Variants in FRMD4A observed in about 807,000 individuals in gnomAD.
FRMD4A encodes the protein FERM domain-containing protein 4A.
Under a neutral mutation model 129.1 loss-of-function variants are expected in FRMD4A, and 29 were observed. The ratio of observed to expected loss-of-function variants is 0.22; its 90% CI spans 0.17 to 0.31. FRMD4A has a LOEUF of 0.31. Among genes scored for constraint, FRMD4A ranks in the 10% least tolerant of loss-of-function variants. The pLI is 1.00. For synonymous variants in FRMD4A, 634 were observed against 571.6 expected (o/e 1.11, Z -1.56); for missense variants, 1,272 against 1,375.8 (o/e 0.92, Z 1.19).
intron 7 of FRMD4A, among the ~76,000 whole-genome samples, chr10:13,762,073 G>C (rs765176073): frequency 2.0e-5 from 3 of 152,178 alleles, no homozygotes; most frequent in Admixed American, 6.5e-5. Context: ...TGGAGGTAGG[G>C]ACCAGAGAAA....
At chr10:13,851,242 A>G (rs2094136427) in intron 3 of FRMD4A, among the ~76,000 whole-genome samples, 2 of 152,194 alleles carry the variant, frequency 1.3e-5, no homozygotes, top group South Asian at 4.1e-4. Flanking sequence ...AAAAAGAAAA[A>G]GAAAAAGAAT....
chr10:13,753,235 G>T (rs564133991), intron 8 of FRMD4A, among the ~76,000 whole-genome samples: 1 of 152,202 alleles, frequency 6.6e-6, no homozygotes, highest in Non-Finnish European at 1.5e-5. Context: ...TGAAGCTGAG[G>T]TTACAACAAA....
intron 2 of FRMD4A, among the ~76,000 whole-genome samples, chr10:14,056,373 T>A (rs1401039765): frequency 6.6e-6 from 1 of 151,878 alleles, no homozygotes; most frequent in Non-Finnish European, 1.5e-5. Flanking sequence ...TGATTAAACA[T>A]CCCCACCTCT....
intron 2 of FRMD4A, among the ~76,000 whole-genome samples, chr10:14,058,777 T>C (rs1348367295): frequency 4.6e-5 from 7 of 151,976 alleles, no homozygotes; most frequent in Non-Finnish European, 7.4e-5. Context: ...GACTACAGGG[T>C]CTCCAAAGAG....
rs764409962 is a variant in FRMD4A at position 13,737,972 on chromosome 10, G to A, written c.673-42C>T. ...AGTTTGGGTGAATATGGGACTGGAG[G>A]AAGTAAACACACGCAAAGTGGAGAT... On this transcript the variant is annotated intron_variant, in intron 11 of 24. Transcript: ENST00000357447. 2.8e-5 allele frequency: 30 copies of A among 1,086,524 alleles called. No individual in the cohort carries two copies. In the South Asian group the frequency reaches 3.6e-4, roughly 13 times the overall value. The allele number at this position is 1,086,524 out of a possible 1,614,324, so 67.3% of individuals were successfully genotyped here.
At chr10:13,883,069 G>T (rs1407086197) in intron 2 of FRMD4A, among the ~76,000 whole-genome samples, 2 of 152,210 alleles carry the variant, frequency 1.3e-5, no homozygotes, top group African/African-American at 4.8e-5. Flanking sequence ...CTCCCAAAGT[G>T]CTGGGATTAC....
rs1360774573 is a variant in FRMD4A at position 14,161,170 on chromosome 10, G to T, written c.45+168888C>A. Among the ~76,000 whole-genome samples the T allele has an allele frequency of 5.9e-5, 9 of 152,284 alleles. No individual in the cohort carries two copies. In the South Asian group the frequency reaches 1.2e-3, roughly 21 times the overall value. On this transcript the variant is annotated intron_variant, in intron 2 of 24. Transcript: ENST00000357447. ...AGGGTTTCACTGTGTTGGCCAGGCT[G>T]GTCTTGAACTCCTGACCTGAGGTAA...
chr10:14,090,630 T>C (rs994073301), intron 2 of FRMD4A, among the ~76,000 whole-genome samples: 2 of 152,150 alleles, frequency 1.3e-5, no homozygotes, highest in African/African-American at 4.8e-5. Flanking sequence ...TCAGTTAACG[T>C]TGGAACCATA....
intron 2 of FRMD4A, among the ~76,000 whole-genome samples, chr10:14,257,210 A>G (rs1363882380): frequency 6.6e-6 from 1 of 152,198 alleles, no homozygotes; most frequent in East Asian, 1.9e-4. Context: ...CAGTGCCCAT[A>G]ATCCCAGCTA....
At chr10:14,088,927 C>T (rs1488739675) in intron 2 of FRMD4A, among the ~76,000 whole-genome samples, 1 of 151,766 alleles carries the variant, frequency 6.6e-6, no homozygotes, top group East Asian at 1.9e-4. Context: ...GGAGCAGGGG[C>T]GGGGACCAGG....
chr10:13,866,624 A>C (rs966250971), intron 2 of FRMD4A, among the ~76,000 whole-genome samples: 1 of 152,190 alleles, frequency 6.6e-6, no homozygotes. Context: ...CAACCTCAAG[A>C]AATTTACGGG....
chr10:13,712,429 G>A (rs1232941850), intron 12 of FRMD4A, among the ~76,000 whole-genome samples: 1 of 151,814 alleles, frequency 6.6e-6, no homozygotes, highest in African/African-American at 2.4e-5. Context: ...CAGGAGAATC[G>A]CTTGTACCCA....
intron 2 of FRMD4A, among the ~76,000 whole-genome samples, chr10:14,318,318 T>A (rs1041340): frequency 0.25 from 35,546 of 144,872 alleles, 4,942 homozygotes; most frequent in Admixed American, 0.31. Flanking sequence ...CCAAGCTATA[T>A]CCCCCCCCAC....
At chr10:14,026,727 T>A (rs374615111) in intron 2 of FRMD4A, among the ~76,000 whole-genome samples, 7 of 152,212 alleles carry the variant, frequency 4.6e-5, no homozygotes, top group African/African-American at 1.7e-4. Flanking sequence ...CAAGAGGACT[T>A]CTTGCCACAT....
chr10:13,992,804 T>G (rs1482348097), intron 2 of FRMD4A, among the ~76,000 whole-genome samples: 1 of 151,640 alleles, frequency 6.6e-6, no homozygotes, highest in Non-Finnish European at 1.5e-5. Context: ...AATACAAAAA[T>G]TAGCCAGGCA....
At chr10:13,867,421 G>C (rs1489239485) in intron 2 of FRMD4A, among the ~76,000 whole-genome samples, 1 of 150,688 alleles carries the variant, frequency 6.6e-6, no homozygotes, top group African/African-American at 2.4e-5. Context: ...TCTCCACACA[G>C]GGTTAATTTT....
At chr10:14,187,822 ATTCC>A (rs1325892472) in intron 2 of FRMD4A, among the ~76,000 whole-genome samples, 20 of 152,284 alleles carry the variant, frequency 1.3e-4, no homozygotes, top group Non-Finnish European at 2.1e-4. Flanking sequence ...GTTTTCTTTG[ATTCC>A]ATATTTCACT....
chr10:14,199,786 G>T (rs1842580960), intron 2 of FRMD4A, among the ~76,000 whole-genome samples: 1 of 138,376 alleles, frequency 7.2e-6, no homozygotes, highest in Non-Finnish European at 1.7e-5. Flanking sequence ...TTTTTATATT[G>T]ATGTGAATAA....
chr10:14,210,692 G>C (rs1242384499), intron 2 of FRMD4A, among the ~76,000 whole-genome samples: 1 of 152,110 alleles, frequency 6.6e-6, no homozygotes, highest in African/African-American at 2.4e-5. Context: ...TATCATGTGG[G>C]CCTTGACTGT....
Sources: gnomAD v4.1 joint callset for allele counts (sites outside exome capture counted in the v4.1 genomes callset) on GRCh38, gnomAD v4.1.1 for gene constraint, MANE v1.5 for transcripts, NCBI Gene and HGNC (gene_info 2026-07-23, HGNC 2026-07-21) for gene names.